RAB3C: variants seen among roughly 807,000 people sequenced by gnomAD.
The protein encoded by RAB3C is RAB3C, member RAS oncogene family.
Under a neutral mutation model 26.4 loss-of-function variants are expected in RAB3C, and 17 were observed. The ratio of observed to expected loss-of-function variants is 0.64; its 90% CI spans 0.44 to 0.97. The LOEUF (loss-of-function observed/expected upper bound fraction) is 0.97. Among genes scored for constraint, RAB3C ranks in the 50% least tolerant of loss-of-function variants. RAB3C has a pLI of 0.00. For missense variants in RAB3C, 242 were observed against 281.9 expected (o/e 0.86, Z 1.01); for synonymous variants, 91 against 95.9 (o/e 0.95, Z 0.30).
chr5:58,593,673 C>T (rs1416233754), intron 1 of RAB3C, among the ~76,000 whole-genome samples: 1 of 152,104 alleles, frequency 6.6e-6, no homozygotes, highest in Non-Finnish European at 1.5e-5. Flanking sequence ...TCCTTAATGG[C>T]GTCAACTCTG....
intron 2 of RAB3C, among the ~76,000 whole-genome samples, chr5:58,653,391 G>A (rs1012149208): frequency 3.3e-5 from 5 of 152,172 alleles, no homozygotes; most frequent in Non-Finnish European, 7.3e-5. Context: ...ACAGTGTGGC[G>A]ATTCCTCAAG....
At chr5:58,621,778 G>A (rs7700521) in intron 2 of RAB3C, among the ~76,000 whole-genome samples, 2,193 of 152,156 alleles carry the variant, frequency 0.014, 49 homozygotes, top group African/African-American at 0.05. Flanking sequence ...GTTTCACCAT[G>A]TTGGCCAAGC....
chr5:58,669,146 TG>T (rs1482806430), intron 2 of RAB3C, among the ~76,000 whole-genome samples: 1 of 152,096 alleles, frequency 6.6e-6, no homozygotes, highest in Non-Finnish European at 1.5e-5. Flanking sequence ...ATATGAATTT[TG>T]GGGGGACAAA....
chr5:58,664,605 T>A (rs977683746), intron 2 of RAB3C, among the ~76,000 whole-genome samples: 3 of 152,128 alleles, frequency 2.0e-5, no homozygotes, highest in African/African-American at 7.2e-5. Flanking sequence ...TACTATAGAT[T>A]TGTAAGATGT....
At chr5:58,739,482 G>A (rs1329926688) in intron 3 of RAB3C, among the ~76,000 whole-genome samples, 2 of 151,758 alleles carry the variant, frequency 1.3e-5, no homozygotes, top group Non-Finnish European at 2.9e-5. Context: ...TATCAATTAC[G>A]AACCAACCTC....
chr5:58,776,067 G>A (rs1458517886), intron 3 of RAB3C, among the ~76,000 whole-genome samples: 1 of 151,968 alleles, frequency 6.6e-6, no homozygotes, highest in Non-Finnish European at 1.5e-5. Flanking sequence ...CCTCTCACCA[G>A]ACATACCAGA....
At chr5:58,723,899 C>A (rs1740827185) in intron 2 of RAB3C, among the ~76,000 whole-genome samples, 1 of 151,682 alleles carries the variant, frequency 6.6e-6, no homozygotes, top group African/African-American at 2.4e-5. Flanking sequence ...AAGTTAGATG[C>A]CAATCTCCAG....
intron 3 of RAB3C, among the ~76,000 whole-genome samples, chr5:58,728,350 T>C (rs1740933874): frequency 1.3e-5 from 2 of 152,162 alleles, no homozygotes; most frequent in Admixed American, 1.3e-4. Context: ...CTTTTACAAA[T>C]AGAATCTCAT....
chr5:58,831,810 G>A (rs1427589883), intron 4 of RAB3C, among the ~76,000 whole-genome samples: 3 of 152,128 alleles, frequency 2.0e-5, no homozygotes, highest in South Asian at 4.1e-4. Context: ...GCGGGGACAA[G>A]GAAACAAATC....
Position 58,597,806 on chromosome 5 carries a change from A to G in RAB3C, c.24+14574A>G, listed in dbSNP as rs560317999. On this transcript the variant is annotated intron_variant, in intron 1 of 4. Transcript: ENST00000282878. ...TATATAAGTATATAACATGTAATACATTATATATAAGTATACGATAACATG... is the reference window on the plus strand; with the variant it reads ...TATATAAGTATATAACATGTAATACGTTATATATAAGTATACGATAACATG... Among the ~76,000 whole-genome samples the G allele has an allele frequency of 4.1e-5, 4 of 96,626 alleles. 1 individual carries two copies. The South Asian group carries it at 1.5e-3, about 36-fold the overall frequency. 63.4% of individuals were successfully genotyped at this position (96,626 alleles called of 152,430 possible).
At chr5:58,790,519 G>T (rs140043892) in intron 3 of RAB3C, among the ~76,000 whole-genome samples, 53 of 152,200 alleles carry the variant, frequency 3.5e-4, no homozygotes, top group African/African-American at 1.2e-3. Flanking sequence ...ATTTAAACCC[G>T]CAAGGAATGC....
chr5:58,719,428 T>C (rs1014548596), intron 2 of RAB3C, among the ~76,000 whole-genome samples: 4 of 152,014 alleles, frequency 2.6e-5, no homozygotes, highest in Non-Finnish European at 4.4e-5. Context: ...AGTTTTTTCT[T>C]CTGTAAAGTA....
chr5:58,584,336 A>G (rs1481375955), intron 1 of RAB3C, among the ~76,000 whole-genome samples: 1 of 152,218 alleles, frequency 6.6e-6, no homozygotes, highest in Non-Finnish European at 1.5e-5. Flanking sequence ...TGAAAAATCT[A>G]TAGAATTTAA....
intron 2 of RAB3C, among the ~76,000 whole-genome samples, chr5:58,706,066 G>T (rs1456145146): frequency 6.6e-6 from 1 of 152,152 alleles, no homozygotes; most frequent in African/African-American, 2.4e-5. Context: ...TTTTAAAAAT[G>T]CAAATAAAAA....
At chr5:58,685,459 C>G (rs1473790200) in intron 2 of RAB3C, among the ~76,000 whole-genome samples, 1 of 152,100 alleles carries the variant, frequency 6.6e-6, no homozygotes. Flanking sequence ...TTACATTGAG[C>G]CCACTCAGAA....
At chr5:58,737,392 G>T (rs1741163885) in intron 3 of RAB3C, among the ~76,000 whole-genome samples, 1 of 68,500 alleles carries the variant, frequency 1.5e-5, no homozygotes, top group Non-Finnish European at 2.7e-5. Context: ...ATCACCCTAT[G>T]AAATATATAT....
chr5:58,588,892 C>A (rs551314168), intron 1 of RAB3C, among the ~76,000 whole-genome samples: 2 of 152,168 alleles, frequency 1.3e-5, no homozygotes, highest in African/African-American at 2.4e-5. Context: ...CAAAGACTCT[C>A]TTTTTTTCCC....
chr5:58,701,656 T>A (rs754893172), intron 2 of RAB3C, among the ~76,000 whole-genome samples: 1 of 152,132 alleles, frequency 6.6e-6, no homozygotes, highest in Non-Finnish European at 1.5e-5. Context: ...TAGGGGAGAA[T>A]CCACTTCCTT....
chr5:58,767,147 C>A (rs1363335), intron 3 of RAB3C, among the ~76,000 whole-genome samples: 2 of 152,144 alleles, frequency 1.3e-5, no homozygotes, highest in Admixed American at 1.3e-4. Context: ...TAATTTCAGA[C>A]AAAAACTGAG....
Sources: allele counts gnomAD v4.1 joint callset (sites outside exome capture counted in the v4.1 genomes callset), GRCh38; gene constraint gnomAD v4.1.1; transcripts MANE v1.5; gene names NCBI Gene and HGNC (gene_info 2026-07-23, HGNC 2026-07-21).